Variants in FNDC1 observed in about 807,000 individuals in gnomAD.
FNDC1 encodes fibronectin type III domain-containing protein 1.
FNDC1 carries 96 observed loss-of-function variants against 168.0 expected under a neutral mutation model. That is an observed-to-expected ratio of 0.57 (90% CI 0.48 to 0.68). The LOEUF is 0.68. Among genes scored for constraint, FNDC1 ranks in the 30% least tolerant of loss-of-function variants. The probability of loss-of-function intolerance (pLI) is 0.00; values close to 1 mark genes in which losing one functional copy is unlikely to be tolerated. For missense variants in FNDC1, 2,587 were observed against 2,482.1 expected (o/e 1.04, Z -0.90); for synonymous variants, 1,099 against 1,025.9 (o/e 1.07, Z -1.36).
intron 1 of FNDC1, among the ~76,000 whole-genome samples, chr6:159,177,468 G>A (rs58888459): frequency 0.024 from 3,601 of 152,200 alleles, 121 homozygotes; most frequent in African/African-American, 0.08. Flanking sequence ...ATGGGGTGTG[G>A]CAGGTGTGGT....
At chr6:159,252,585 A>G (rs1199949731) in intron 17 of FNDC1, among the ~76,000 whole-genome samples, 3 of 152,202 alleles carry the variant, frequency 2.0e-5, no homozygotes, top group African/African-American at 7.2e-5. Flanking sequence ...TCGAGTCTTT[A>G]GTGGAACTAA....
At chr6:159,267,684 C>T in intron 21 of FNDC1, 120 bp from the exon 22 acceptor site, 7 of 1,012,954 alleles carry the variant, frequency 6.9e-6, no homozygotes, top group Non-Finnish European at 7.2e-6. Context: ...AAAAATACAG[C>T]ACACACAGTT....
chr6:159,270,468 G>C (rs1284974901), intron 22 of FNDC1, among the ~76,000 whole-genome samples: 1 of 152,112 alleles, frequency 6.6e-6, no homozygotes, highest in Non-Finnish European at 1.5e-5. Flanking sequence ...AGGGTTACTA[G>C]TGCCTGCATT....
In FNDC1 at chr6:159,197,619, G is replaced by T; in HGVS notation, c.298G>T (p.Asp100Tyr). 6.2e-7 allele frequency: 1 copy of T among 1,610,700 alleles called. No individual in the cohort carries two copies. The highest frequency in any genetic ancestry group is 1.1e-5 in the South Asian group (1 of 90,304). ...GGAGACATACTCCTTCCTTATTGAG[G>T]ATGTGGGTAAGTGACACTCTGATCT... ...NAETYSFLIE[D>Y]VEPGVVYFVL... is the part of the protein sequence containing the mutation. Residue 100 changes from aspartate (D) to tyrosine (Y), a missense_variant, in exon 2 of 23, where the codon GAT (aspartate) becomes TAT (tyrosine). By Grantham distance (160) the Asp-to-Tyr change is radical (BLOSUM62 -3). Coordinates refer to ENST00000297267, the MANE Select transcript of FNDC1 (RefSeq NM_032532.3).
At position 159,233,537 on chromosome 6, in the gene FNDC1, C is replaced by G; in HGVS notation, c.3025C>G (p.Pro1009Ala). 1 of 1,595,890 alleles carries G rather than the reference C, an allele frequency of 6.3e-7. No homozygotes were observed. The highest frequency in any genetic ancestry group is 8.5e-7 in the Non-Finnish European group (1 of 1,174,728). Reference protein sequence around the residue: ...GRAPQQQPPPPVATSQHHPGP... With the variant: ...GRAPQQQPPPAVATSQHHPGP... The stretch of plus-strand genomic sequence containing the variant: ...GGCCCCACAACAGCAGCCCCCTCCT[C>G]CCGTCGCCACGTCCCAGCACCACCC... Residue 1009 changes from proline to alanine, a missense_variant, in exon 11 of 23, where the codon CCC becomes GCC. By Grantham distance (27) the Pro-to-Ala change is conservative (BLOSUM62 -1). Transcript: ENST00000297267. This position sits in a 1 kb window ranked among gnomAD's most constrained non-coding sequence, Gnocchi z 4.6.
rs1296478341 is a variant in FNDC1, at chr6:159,231,949, A to G, written c.1437A>G (p.Ser479=). The G allele has an allele frequency of 3.7e-6, 6 of 1,613,752 alleles. No individual in the cohort carries two copies. Among genetic ancestry groups the G allele is most frequent in the Non-Finnish European group, 5.1e-6 (6 of 1,179,874 alleles). ...NGKPEKPEPS[S]PSPRAPASSQ... Reference sequence around the variant, plus strand: ...AACCCGAAAAACCTGAGCCTTCCTCACCTTCTCCCAGAGCTCCAGCTTCCT... The same window carrying G: ...AACCCGAAAAACCTGAGCCTTCCTCGCCTTCTCCCAGAGCTCCAGCTTCCT... The change falls in exon 11 of 23, where the codon TCA becomes TCG. Residue 479 remains serine (S), a synonymous_variant. Transcript: ENST00000297267.
rs142018859 is a variant in FNDC1 at position 159,239,490 on chromosome 6, C to T, written c.4181-27C>T. 10,987 of 1,545,074 alleles carry T rather than the reference C, an allele frequency of 7.1e-3. 59 individuals carry two copies. The highest frequency in any genetic ancestry group is 8.5e-3 in the Non-Finnish European group (9,718 of 1,142,262). The stretch of plus-strand genomic sequence containing the variant: ...TTCTCTGGATTGCTTCACCTTGTTG[C>T]ATAGCTATTGGTTGATTTTGTTTCA... On this transcript the variant is annotated intron_variant, in intron 13 of 22. Coordinates refer to ENST00000297267, the MANE Select transcript of FNDC1 (RefSeq NM_032532.3).
chr6:159,264,587 A>G (rs1777553864), intron 19 of FNDC1, among the ~76,000 whole-genome samples: 1 of 152,214 alleles, frequency 6.6e-6, no homozygotes, highest in Non-Finnish European at 1.5e-5. Flanking sequence ...ATATGTTTCC[A>G]TTTCTCTTGG....
chr6:159,183,644 G>A (rs1365632921), intron 1 of FNDC1, among the ~76,000 whole-genome samples: 8 of 152,214 alleles, frequency 5.3e-5, no homozygotes, highest in African/African-American at 1.9e-4. Flanking sequence ...TAGAGTTCTG[G>A]CAGAGGAGGA....
chr6:159,269,257 C>CTATCTATCT lies in FNDC1; in HGVS notation c.5569+1331_5569+1332insTATCTATCT, dbSNP rs1554229873. Among the ~76,000 whole-genome samples, 208 of 42,590 alleles carry CTATCTATCT rather than the reference C, an allele frequency of 4.9e-3. 9 individuals carry two copies. The highest frequency in any genetic ancestry group is 0.016 in the East Asian group (25 of 1,552). The allele number at this position is 42,590 out of a possible 152,430, so 27.9% of individuals were successfully genotyped here. A position where few individuals can be genotyped will look rare whatever the true frequency, so the allele number is the denominator to read the frequency against. ...TCTATCTATCTATCTATCCATCTAT[C>CTATCTATCT]ATCTATCTATCTATCTATCTATCTA... On this transcript the variant is annotated intron_variant, in intron 22 of 22. Coordinates refer to ENST00000297267, the MANE Select transcript of FNDC1 (RefSeq NM_032532.3).
rs76164654 is a variant in FNDC1, at chr6:159,208,817, T to C, written c.461-6128T>C. Among the ~76,000 whole-genome samples the C allele has an allele frequency of 3.2e-3, 490 of 151,734 alleles. 5 individuals carry two copies. The highest frequency in any genetic ancestry group is 0.011 in the African/African-American group (450 of 41,320). On this transcript the variant is annotated intron_variant, in intron 4 of 22. Coordinates refer to ENST00000297267, the MANE Select transcript of FNDC1 (RefSeq NM_032532.3). ...TGTCCAACAGGGAGAATTTTCCTGA[T>C]GGCCAGGCATTCAAATGTTATTTTT...
chr6:159,248,730 G>A (rs548716432), intron 15 of FNDC1, among the ~76,000 whole-genome samples: 3 of 152,336 alleles, frequency 2.0e-5, no homozygotes, highest in African/African-American at 7.2e-5. Context: ...GGCTACAGTG[G>A]ATGGATTCTA....
intron 1 of FNDC1, among the ~76,000 whole-genome samples, chr6:159,194,345 T>C (rs1468443425): frequency 6.6e-6 from 1 of 152,256 alleles, no homozygotes; most frequent in Non-Finnish European, 1.5e-5. Context: ...GTCATTTTTC[T>C]TTAGAGACCC....
chr6:159,170,887 G>T (rs1470211589), intron 1 of FNDC1, among the ~76,000 whole-genome samples: 1 of 152,088 alleles, frequency 6.6e-6, no homozygotes, highest in Admixed American at 6.5e-5. Context: ...GTACTTGAGA[G>T]GAATAAAACT....
intron 1 of FNDC1, among the ~76,000 whole-genome samples, chr6:159,195,655 G>A (rs1327481912): frequency 6.6e-6 from 1 of 152,114 alleles, no homozygotes; most frequent in Non-Finnish European, 1.5e-5. Flanking sequence ...ACAAATGCAA[G>A]GTATCGCAGA....
chr6:159,177,736 G>A (rs750764447), intron 1 of FNDC1, among the ~76,000 whole-genome samples: 1 of 152,118 alleles, frequency 6.6e-6, no homozygotes, highest in Admixed American at 6.5e-5. Context: ...TCGTGATGAC[G>A]CATCAGTCAC....
chr6:159,175,509 A>G (rs1781743829), intron 1 of FNDC1, among the ~76,000 whole-genome samples: 1 of 152,232 alleles, frequency 6.6e-6, no homozygotes, highest in African/African-American at 2.4e-5. Context: ...TGATCTGCTC[A>G]GAATGCCTTC....
chr6:159,184,676 A>G (rs1781955739), intron 1 of FNDC1, among the ~76,000 whole-genome samples: 1 of 152,200 alleles, frequency 6.6e-6, no homozygotes, highest in South Asian at 2.1e-4. Flanking sequence ...GTAATGCCCA[A>G]GTGTTTAACA....
At chr6:159,244,169 A>C (rs1242677368) in intron 14 of FNDC1, among the ~76,000 whole-genome samples, 1 of 152,260 alleles carries the variant, frequency 6.6e-6, no homozygotes, top group African/African-American at 2.4e-5. Flanking sequence ...GGTTAAATTG[A>C]CAAGGGAAAG....
Sources: gnomAD v4.1 joint callset for allele counts (sites outside exome capture counted in the v4.1 genomes callset) on GRCh38, gnomAD v4.1.1 for gene constraint, Gnocchi (gnomAD v3.1) non-coding constraint, MANE v1.5 for transcripts, NCBI Gene and HGNC (gene_info 2026-07-23, HGNC 2026-07-21) for gene names.